Variants in ZNF519 observed in about 807,000 individuals in gnomAD.
ZNF519 encodes zinc finger protein 519.
In ZNF519, 7 loss-of-function variants were observed where a neutral mutation model predicts 7.4. The ratio of observed to expected loss-of-function variants is 0.94; its 90% CI spans 0.54 to 1.77. The LOEUF is 1.77. Ranked by LOEUF, ZNF519 falls within the 40% of genes most tolerant of loss-of-function variation. The probability of loss-of-function intolerance (pLI) is 0.00; values close to 1 mark genes in which losing one functional copy is unlikely to be tolerated. For synonymous variants in ZNF519, 179 were observed against 203.3 expected (o/e 0.88, Z 1.02); for missense variants, 586 against 623.1 (o/e 0.94, Z 0.63).
rs1207259519 is a variant in ZNF519 at position 14,104,376 on chromosome 18, A to G, written c.*541T>C. ...AGAGCAACTCCATTTAGATTTCATC[A>G]TACATCCTATATGCCAATGCTCTTA... On this transcript the variant is annotated 3_prime_UTR_variant, in exon 3 of 3. Coordinates refer to ENST00000590202, the MANE Select transcript of ZNF519 (RefSeq NM_145287.4). 2 of 152,488 alleles carry G rather than the reference A, an allele frequency of 1.3e-5. No homozygotes were observed. The highest frequency in any genetic ancestry group is 1.3e-4 in the Admixed American group (2 of 15,298). The allele number at this position is 152,488 out of a possible 1,614,324, so 9.4% of individuals were successfully genotyped here. A position where few individuals can be genotyped will look rare whatever the true frequency, so the allele number is the denominator to read the frequency against.
At chr18:14,129,422 C>G (rs2046318660) in intron 1 of ZNF519, among the ~76,000 whole-genome samples, 1 of 151,962 alleles carries the variant, frequency 6.6e-6, no homozygotes, top group African/African-American at 2.4e-5. Flanking sequence ...GCAGCAGGGT[C>G]AGGGGAGGGA....
chr18:14,095,190 C>T (rs925189991), downstream of ZNF519, among the ~76,000 whole-genome samples: 1 of 152,074 alleles, frequency 6.6e-6, no homozygotes, highest in African/African-American at 2.4e-5. Flanking sequence ...AGAGCAAAAC[C>T]TAAAGGGGTC....
chr18:14,075,948 G>A (rs2046045923), downstream of ZNF519: 1 of 151,840 alleles, frequency 6.6e-6, no homozygotes, highest in South Asian at 2.1e-4. Context: ...CATATTTACT[G>A]TGAGTACTAT....
At chr18:14,089,367 AC>A (rs1363888046) in intron 2 of ZNF519, among the ~76,000 whole-genome samples, 1 of 152,062 alleles carries the variant, frequency 6.6e-6, no homozygotes, top group Non-Finnish European at 1.5e-5. Context: ...GAACTGTAGG[AC>A]TCTTTGATCT....
intron 2 of ZNF519, among the ~76,000 whole-genome samples, chr18:14,115,195 C>A (rs757857618): frequency 1.5e-3 from 223 of 152,240 alleles, no homozygotes; most frequent in Non-Finnish European, 2.3e-3. Context: ...TTATCTTCTC[C>A]CAGTACAGCA....
chr18:14,095,129 A>AT (rs1018623651), downstream of ZNF519, among the ~76,000 whole-genome samples: 2 of 151,568 alleles, frequency 1.3e-5, no homozygotes, highest in African/African-American at 2.4e-5. Context: ...GGAGAATTCC[A>AT]TTTTTTGTTG....
At chr18:14,108,382 CT>C (rs1237077818) in intron 2 of ZNF519, among the ~76,000 whole-genome samples, 1 of 147,844 alleles carries the variant, frequency 6.8e-6, no homozygotes, top group East Asian at 1.9e-4. Flanking sequence ...TGAATGGTGC[CT>C]TTTCCAAGTC....
At chr18:14,111,527 AAAAG>A (rs1250655692) in intron 2 of ZNF519, among the ~76,000 whole-genome samples, 8 of 151,098 alleles carry the variant, frequency 5.3e-5, no homozygotes, top group African/African-American at 9.7e-5. Flanking sequence ...AAAAAAAAAA[AAAAG>A]AAAGAAAGAA....
chr18:14,077,784 A>G (rs2046053706), intron 4 of ZNF519, among the ~76,000 whole-genome samples: 1 of 152,106 alleles, frequency 6.6e-6, no homozygotes, highest in African/African-American at 2.4e-5. Flanking sequence ...TGCTTCCTTG[A>G]TGTGTTCCCT....
At chr18:14,086,573 T>C (rs1218297783) in intron 2 of ZNF519, among the ~76,000 whole-genome samples, 5 of 152,244 alleles carry the variant, frequency 3.3e-5, no homozygotes, top group Admixed American at 2.0e-4. Context: ...CTGAGCTCAC[T>C]ACAGAGATCC....
chr18:14,124,226 T>C (rs972775386), intron 2 of ZNF519, 124 bp downstream of exon 2: 13 of 984,502 alleles, frequency 1.3e-5, no homozygotes, highest in Non-Finnish European at 1.4e-5. Context: ...AACTCCCATT[T>C]TTTCTTGAAG....
intron 3 of ZNF519, among the ~76,000 whole-genome samples, chr18:14,081,353 CTG>C (rs2046070082): frequency 1.3e-5 from 2 of 151,742 alleles, no homozygotes; most frequent in Non-Finnish European, 2.9e-5. Flanking sequence ...GCATTATAAA[CTG>C]TGCATATTTA....
At position 14,102,794 on chromosome 18, in the gene ZNF519, A is replaced by C. The variant is rs2046168407; in HGVS notation, c.*2123T>G. 1 of 152,108 alleles carries C rather than the reference A, an allele frequency of 6.6e-6. No individual in the cohort carries two copies. The highest frequency in any genetic ancestry group is 1.5e-5 in the Non-Finnish European group (1 of 68,006). 9.4% of individuals were successfully genotyped at this position (152,108 alleles called of 1,614,324 possible). On this transcript the variant is annotated 3_prime_UTR_variant, in exon 3 of 3. Transcript: ENST00000590202. ...AACTAAATTAAGACAATATTTTAAA[A>C]ATTCAATCCAAATTGGGGGAAAAAA...
intron 1 of ZNF519, among the ~76,000 whole-genome samples, chr18:14,128,961 A>C (rs1329493024): frequency 1.3e-5 from 2 of 152,132 alleles, no homozygotes; most frequent in Admixed American, 6.5e-5. Context: ...GGATTCAGGC[A>C]CTGGAGGGAT....
chr18:14,098,823 T>C (rs568097176), downstream of ZNF519, among the ~76,000 whole-genome samples: 2 of 152,326 alleles, frequency 1.3e-5, no homozygotes, highest in East Asian at 1.9e-4. Flanking sequence ...TCGTGTTCTA[T>C]AGAGCATCTT....
rs991393655 is a variant in ZNF519, at chr18:14,104,664, A to G, written c.*253T>C. 2.8e-6 allele frequency: 1 copy of G among 356,572 alleles called. No homozygotes were observed. The highest frequency in any genetic ancestry group is 5.0e-6 in the Non-Finnish European group (1 of 200,336). 22.1% of individuals were successfully genotyped at this position (356,572 alleles called of 1,614,324 possible). A position where few individuals can be genotyped will look rare whatever the true frequency, so the allele number is the denominator to read the frequency against. ...CCATCAATGTCGTCCCTCTTTTTAA[A>G]CATACAATTTAATTATCTAATTGAG... On this transcript the variant is annotated 3_prime_UTR_variant, in exon 3 of 3. Coordinates refer to ENST00000590202, the MANE Select transcript of ZNF519 (RefSeq NM_145287.4).
At position 14,132,363 on chromosome 18, in the gene ZNF519, T is replaced by C; in HGVS notation, c.-86A>G. On this transcript the variant is annotated 5_prime_UTR_variant, in exon 1 of 3. Transcript: ENST00000590202. ...CAGAGCGACGGAGTGAGTGGCAGAA[T>C]CACCGAAGTCTCCCGGAGCAGAGGA... 1.3e-6 allele frequency: 2 copies of C among 1,529,950 alleles called. No homozygotes were observed. The highest frequency in any genetic ancestry group is 2.3e-5 in the East Asian group (1 of 44,408). The allele number at this position is 1,529,950 out of a possible 1,614,324, so 94.8% of individuals were successfully genotyped here. A position where few individuals can be genotyped will look rare whatever the true frequency, so the allele number is the denominator to read the frequency against.
At chr18:14,074,251 T>C (rs1227411994), downstream of ZNF519, 1 of 152,174 alleles carries the variant, frequency 6.6e-6, no homozygotes, top group Non-Finnish European at 1.5e-5. Context: ...ATTTGACGCA[T>C]GTTCAGCCAA....
chr18:14,114,712 G>C (rs1303416564), intron 2 of ZNF519, among the ~76,000 whole-genome samples: 3 of 152,100 alleles, frequency 2.0e-5, no homozygotes, highest in Non-Finnish European at 4.4e-5. Context: ...AAAATAATTA[G>C]AATAAGATTT....
Sources: gnomAD v4.1 joint callset for allele counts (sites outside exome capture counted in the v4.1 genomes callset) on GRCh38, gnomAD v4.1.1 for gene constraint, MANE v1.5 for transcripts, NCBI Gene and HGNC (gene_info 2026-07-23, HGNC 2026-07-21) for gene names.